Variants in APLP1 observed in about 807,000 individuals in gnomAD.
APLP1 encodes amyloid beta (A4) precursor-like protein 1.
APLP1 carries 46 observed loss-of-function variants against 84.5 expected under a neutral mutation model. That is an observed-to-expected ratio of 0.54 (90% CI 0.43 to 0.70). APLP1 has a LOEUF of 0.70. Ranked by LOEUF, APLP1 falls within the 30% of genes least tolerant of loss-of-function variation. The pLI, the probability that APLP1 is intolerant of heterozygous loss-of-function variation, is 0.00. For missense variants in APLP1, 826 were observed against 900.2 expected, an observed-to-expected ratio of 0.92 and a Z score of 1.05; for synonymous variants, 376 against 364.0, an observed-to-expected ratio of 1.03 and a Z score of -0.38.
intron 3 of APLP1, 89 bp from the exon 4 acceptor site, chr19:35,871,148 A>G (rs1974134745): frequency 6.5e-7 from 1 of 1,527,482 alleles, no homozygotes; most frequent in Non-Finnish European, 8.9e-7. Flanking sequence ...GGGGCAGAGA[A>G]GCCTCTGAGG....
At position 35,871,795 on chromosome 19, in the gene APLP1, G is replaced by A. The variant is rs778947771; in HGVS notation, c.671+50G>A. 3 of 1,613,444 alleles carry A rather than the reference G, an allele frequency of 1.9e-6. No individual in the cohort carries two copies. In the Admixed American group the frequency reaches 5.0e-5, roughly 27 times the overall value. On this transcript the variant is annotated intron_variant, in intron 5 of 16. Coordinates refer to ENST00000221891, the MANE Select transcript of APLP1 (RefSeq NM_001024807.3). ...CCCATCTCAAGGTTCCTGAGGCAGG[G>A]GATGGAAGCCTGGGAGCCCAGGCCT...
chr19:35,874,368 A>G lies in APLP1; in HGVS notation c.1057-136A>G. 9.2e-7 allele frequency: 1 copy of G among 1,088,216 alleles called. No homozygotes were observed. 67.4% of individuals were successfully genotyped at this position (1,088,216 alleles called of 1,614,324 possible). A position where few individuals can be genotyped will look rare whatever the true frequency, so the allele number is the denominator to read the frequency against. On this transcript the variant is annotated intron_variant, in intron 8 of 16. Transcript: ENST00000221891. The surrounding 1 kb of genome is among the most constrained non-coding windows in gnomAD (Gnocchi z 6.4). ...CCCTGTAGCCCACCCCTTCCAGTCC[A>G]TAACCTTTGGTTCTGCCCAGGCCTG...
chr19:35,878,698 G>C, intron 14 of APLP1, 44 bp downstream of exon 14: 1 of 1,608,150 alleles, frequency 6.2e-7, no homozygotes, highest in Non-Finnish European at 8.5e-7. Context: ...GAACAAGATC[G>C]GGGCCTATAT....
chr19:35,869,305 C>A (rs1568472828), intron 1 of APLP1: 2 of 528,646 alleles, frequency 3.8e-6, no homozygotes, highest in Non-Finnish European at 6.6e-6. Context: ...GCAACGGGAG[C>A]CTGAGCAAGG....
intron 11 of APLP1, 136 bp downstream of exon 11, chr19:35,876,752 T>G: frequency 1.4e-6 from 1 of 729,506 alleles, no homozygotes; most frequent in Non-Finnish European, 2.2e-6. Context: ...TCAACAATGA[T>G]TTTTCTTTGT....
chr19:35,873,247 T>C (rs1974202218), intron 7 of APLP1, among the ~76,000 whole-genome samples: 1 of 143,556 alleles, frequency 7.0e-6, no homozygotes, highest in South Asian at 2.2e-4. Context: ...CTTTAAATCT[T>C]TTTTTTTTTT....
chr19:35,872,074 T>C (rs1974168915), intron 6 of APLP1, 38 bp downstream of exon 6: 6 of 1,591,978 alleles, frequency 3.8e-6, no homozygotes, highest in South Asian at 1.1e-5. Flanking sequence ...CTCTCCACCA[T>C]AGAGGGAGAA....
rs1480637359 is a variant in APLP1, at chr19:35,871,948, T to A, written c.762T>A (p.Asp254Glu). The A allele has an allele frequency of 6.2e-7, 1 of 1,614,028 alleles. No homozygotes were observed. Among genetic ancestry groups the A allele is most frequent in the Non-Finnish European group, 8.5e-7 (1 of 1,179,996 alleles). ...AGGAATCCTTCCCACAGCCAGTAGA[T>A]GATTACTTCGTGGAGCCTCCGCAGG... ...EEEESFPQPVDDYFVEPPQAE... is the reference protein window; with the variant it reads ...EEEESFPQPVEDYFVEPPQAE... The change falls in exon 6 of 17, where the codon GAT becomes GAA. Residue 254 changes from aspartate to glutamate, a missense_variant. Transcript: ENST00000221891.
rs1400861198 is a variant in APLP1 at position 35,869,783 on chromosome 19, G to A, written c.264G>A (p.Pro88=). 4 of 1,602,128 alleles carry A rather than the reference G, an allele frequency of 2.5e-6. No individual in the cohort carries two copies. Among genetic ancestry groups the A allele is most frequent in the African/African-American group, 1.3e-5 (1 of 74,728 alleles). Residue 88 remains proline, a synonymous_variant, in exon 2 of 17, where the codon CCG becomes CCA. Coordinates refer to ENST00000221891, the MANE Select transcript of APLP1 (RefSeq NM_001024807.3). ...PQRSRRCLRD[P]QRVLEYCRQM... ...GCTCTCGACGCTGTCTCCGGGACCC[G>A]CAGCGCGTGCTGGAGTACTGCAGAC...
At chr19:35,876,415 G>T in intron 10 of APLP1, 102 bp from the exon 11 acceptor site, 1 of 1,006,730 alleles carries the variant, frequency 9.9e-7, no homozygotes, top group Non-Finnish European at 1.6e-6. Flanking sequence ...TGCATGTGCC[G>T]CTTTTCCTCA....
At position 35,871,746 on chromosome 19, in the gene APLP1, G is replaced by A. The variant is rs111621067; in HGVS notation, c.671+1G>A. ...CCGACCCATCTGGGACAGCAGTTGG[G>A]TGAGTGGGAGGGAACCCTCCATGCC... On this transcript the variant is annotated splice_donor_variant, in intron 5 of 16. Transcript: ENST00000221891. LOFTEE classifies it high-confidence loss of function. 6.2e-7 allele frequency: 1 copy of A among 1,613,990 alleles called. No homozygotes were observed. The highest frequency in any genetic ancestry group is 1.7e-5 in the Admixed American group (1 of 59,996).
At chr19:35,875,781 C>T (rs1415413910) in intron 10 of APLP1, among the ~76,000 whole-genome samples, 1 of 147,902 alleles carries the variant, frequency 6.8e-6, no homozygotes, top group Non-Finnish European at 1.5e-5. Flanking sequence ...ATAACTTTTG[C>T]ACCAATCTAA....
In APLP1 at chr19:35,878,883, C is replaced by T. The variant is rs1470568602; in HGVS notation, c.1651-7C>T. On this transcript the variant is annotated splice_region_variant and splice_polypyrimidine_tract_variant and intron_variant, in intron 14 of 16. Coordinates refer to ENST00000221891, the MANE Select transcript of APLP1 (RefSeq NM_001024807.3). ...TTCTGGGTTCCTGACACCTCCTGCT[C>T]CCCCAGGTGAATGCGTCTGTTCCAA... 3 of 1,613,878 alleles carry T rather than the reference C, an allele frequency of 1.9e-6. No homozygotes were observed. The highest frequency in any genetic ancestry group is 2.5e-6 in the Non-Finnish European group (3 of 1,179,970).
At chr19:35,877,885 GTAA>G in intron 12 of APLP1, 60 bp downstream of exon 12, 1 of 1,456,518 alleles carries the variant, frequency 6.9e-7, no homozygotes, top group Non-Finnish European at 9.4e-7. Context: ...AGCCTAATTT[GTAA>G]TCCCCTAGAG....
At chr19:35,871,469 TAAGAATTTCATCCCCCA>T (rs1206495858) in intron 4 of APLP1, 120 bp downstream of exon 4, 5 of 1,365,838 alleles carry the variant, frequency 3.7e-6, no homozygotes, top group Non-Finnish European at 5.1e-6. Flanking sequence ...ACTTGGGATC[TAAGAATTTCATCCCCCA>T]ACCCCTTCCT....
rs1338934573 is a variant in APLP1, at chr19:35,872,564, T to C, written c.932T>C (p.Leu311Pro). The change falls in exon 7 of 17, where the codon CTG becomes CCG. Residue 311 changes from leucine (L) to proline (P), a missense_variant. Leu to Pro is a moderately conservative substitution (Grantham distance 98). Around this residue, in one of 3 missense-constraint regions of APLP1, gnomAD observed 433 missense variants for 496.5 expected, o/e 0.87. Transcript: ENST00000221891. Reference sequence around the variant, plus strand: ...GAAATCAGTGAGCACGAGGGGTTCCTGAGGGCCAAGATGGACCTGGAGGAG... The same window carrying C: ...GAAATCAGTGAGCACGAGGGGTTCCCGAGGGCCAAGATGGACCTGGAGGAG... ...PGEISEHEGFLRAKMDLEERR... is the reference protein window; with the variant it reads ...PGEISEHEGFPRAKMDLEERR... 6.2e-7 allele frequency: 1 copy of C among 1,613,918 alleles called. No homozygotes were observed. The highest frequency in any genetic ancestry group is 1.7e-5 in the Admixed American group (1 of 60,004).
intron 8 of APLP1, 150 bp downstream of exon 8, chr19:35,873,863 G>GC: frequency 1.4e-6 from 1 of 713,908 alleles, no homozygotes; most frequent in Non-Finnish European, 2.4e-6. Context: ...ATGCAGCTCT[G>GC]CCCCTCTTAG....
chr19:35,871,811 G>A lies in APLP1; in HGVS notation c.672-47G>A, dbSNP rs747604850. ...TGAGGCAGGGGATGGAAGCCTGGGA[G>A]CCCAGGCCTGGGTTCTTACTGCCTG... is the stretch of plus-strand genomic sequence containing the variant. On this transcript the variant is annotated intron_variant, in intron 5 of 16. Coordinates refer to ENST00000221891, the MANE Select transcript of APLP1 (RefSeq NM_001024807.3). 5 of 1,612,836 alleles carry A rather than the reference G, an allele frequency of 3.1e-6. No homozygotes were observed. In the South Asian group the frequency reaches 5.5e-5, roughly 18 times the overall value.
In APLP1 at chr19:35,872,522, A is replaced by G; in HGVS notation, c.890A>G (p.Tyr297Cys). The part of the protein sequence containing the change: ...TPRPTDGVDI[Y>C]FGMPGEISEH... ...AGGCCCACAGACGGTGTGGATATTTACTTTGGCATGCCTGGGGAAATCAGT... is the reference window on the plus strand; with the variant it reads ...AGGCCCACAGACGGTGTGGATATTTGCTTTGGCATGCCTGGGGAAATCAGT... Residue 297 changes from tyrosine (Y) to cysteine (C), a missense_variant, in exon 7 of 17, where the codon TAC (tyrosine) becomes TGC (cysteine). Coordinates refer to ENST00000221891, the MANE Select transcript of APLP1 (RefSeq NM_001024807.3). 1 of 1,613,680 alleles carries G rather than the reference A, an allele frequency of 6.2e-7. No individual in the cohort carries two copies. The highest frequency in any genetic ancestry group is 8.5e-7 in the Non-Finnish European group (1 of 1,179,842).
Sources: gnomAD v4.1 joint callset for allele counts (sites outside exome capture counted in the v4.1 genomes callset) on GRCh38, gnomAD v4.1.1 for gene constraint, gnomAD v4.1.1 regional missense constraint, Gnocchi (gnomAD v3.1) non-coding constraint, MANE v1.5 for transcripts, NCBI Gene and HGNC (gene_info 2026-07-23, HGNC 2026-07-21) for gene names.